The following NTMT1 variants were observed in gnomAD, a reference collection of about 807,000 sequenced individuals.
NTMT1 encodes the protein N-terminal RCC1 methyltransferase.
A neutral mutation model predicts 17.5 loss-of-function variants in NTMT1; 8 were observed. That is an observed-to-expected ratio of 0.46 (90% CI 0.27 to 0.82). The LOEUF is 0.82. Among genes scored for constraint, NTMT1 ranks in the 40% least tolerant of loss-of-function variants. NTMT1 has a pLI of 0.15. For missense variants in NTMT1, 221 were observed against 303.5 expected, an observed-to-expected ratio of 0.73 and a Z score of 2.02; for synonymous variants, 128 against 126.8, an observed-to-expected ratio of 1.01 and a Z score of -0.06.
At position 129,632,818 on chromosome 9, in the gene NTMT1, A is replaced by G; in HGVS notation, c.115A>G (p.Ser39Gly). 2.5e-6 allele frequency: 4 copies of G among 1,614,218 alleles called. No individual in the cohort carries two copies. Among genetic ancestry groups the G allele is most frequent in the Non-Finnish European group, 3.4e-6 (4 of 1,180,038 alleles). The change falls in exon 2 of 4, where the codon AGC (serine) becomes GGC (glycine). Residue 39 changes from serine to glycine, a missense_variant. Physicochemically the swap from Ser to Gly is moderately conservative, Grantham distance 56. Coordinates refer to ENST00000372483, the MANE Select transcript of NTMT1 (RefSeq NM_014064.4). ...GMLGGYGHIS[S>G]IDINSSRKFL... ...GCTTGGGGGGTATGGCCACATCTCC[A>G]GCATCGACATCAACAGCTCCCGGAA... is the stretch of plus-strand genomic sequence containing the variant.
In NTMT1 at chr9:129,613,030, A is replaced by T; in HGVS notation, c.-55+3852A>T. ...ACTCCCAGCCCCAGCCACTCCACCAAACAGGGCTGCTCCCGGAGCCAGCTG... is the reference window on the plus strand; with the variant it reads ...ACTCCCAGCCCCAGCCACTCCACCATACAGGGCTGCTCCCGGAGCCAGCTG... On this transcript the variant is annotated intron_variant, in intron 1 of 3. Transcript: ENST00000372486. This position sits in a 1 kb window ranked among gnomAD's most constrained non-coding sequence, Gnocchi z 6.2. 1 of 1,583,252 alleles carries T rather than the reference A, an allele frequency of 6.3e-7. No homozygotes were observed. Among genetic ancestry groups the T allele is most frequent in the Non-Finnish European group, 8.6e-7 (1 of 1,165,778 alleles).
chr9:129,627,152 G>T (rs2118923333), intron 1 of NTMT1, among the ~76,000 whole-genome samples: 1 of 152,344 alleles, frequency 6.6e-6, no homozygotes, highest in Non-Finnish European at 1.5e-5. Context: ...GTAAACTGAG[G>T]ACTGTGCGGG....
intron 1 of NTMT1, chr9:129,615,539 G>A (rs572849184): frequency 9.9e-6 from 16 of 1,610,882 alleles, no homozygotes; most frequent in Admixed American, 8.4e-5. Context: ...TCTCGTCAGC[G>A]AATCGCACCC....
Position 129,614,910 on chromosome 9 carries a change from AAAAAG to A in NTMT1, c.-55+5737_-55+5741del, listed in dbSNP as rs1830278738. On this transcript the variant is annotated intron_variant, in intron 1 of 3. Transcript: ENST00000372486. This position sits in a 1 kb window ranked among gnomAD's most constrained non-coding sequence, Gnocchi z 4.4. ...GAGTGAGACTCCGTATCAGAAAAAA[AAAAAG>A]AAAAAGAAAACTCACTGGGAACTGC... 6.6e-6 allele frequency among the ~76,000 whole-genome samples: 1 copy of A among 152,094 alleles called. No homozygotes were observed. Among genetic ancestry groups the A allele is most frequent in the African/African-American group, 2.4e-5 (1 of 41,410 alleles).
rs1258828728 is a variant in NTMT1, at chr9:129,614,078, G to A, written c.-55+4900G>A. 6.6e-6 allele frequency among the ~76,000 whole-genome samples: 1 copy of A among 152,186 alleles called. No homozygotes were observed. The highest frequency in any genetic ancestry group is 2.4e-5 in the African/African-American group (1 of 41,444). On this transcript the variant is annotated intron_variant, in intron 1 of 3. Transcript: ENST00000372486. This position sits in a 1 kb window ranked among gnomAD's most constrained non-coding sequence, Gnocchi z 4.4. ...GTCTCCTGGGCACCCTGCTGCCCGG[G>A]ACACCATGATAGCTCCTTATGGCCA...
chr9:129,632,688 CGTGGTTG>C lies in NTMT1; in HGVS notation c.-12_-6del. ...GCTGATCGTGGTGCTTGAGTAGAGC[CGTGGTTG>C]GTGACAGCATGACGAGCGAGGTGAT... On this transcript the variant is annotated 5_prime_UTR_variant, in exon 2 of 4. Coordinates refer to ENST00000372483, the MANE Select transcript of NTMT1 (RefSeq NM_014064.4). The C allele has an allele frequency of 1.2e-6, 2 of 1,613,604 alleles. No individual in the cohort carries two copies. The highest frequency in any genetic ancestry group is 1.7e-6 in the Non-Finnish European group (2 of 1,179,658).
chr9:129,625,360 G>A (rs1000259437), upstream of NTMT1, among the ~76,000 whole-genome samples: 1 of 152,186 alleles, frequency 6.6e-6, no homozygotes, highest in Non-Finnish European at 1.5e-5. Flanking sequence ...ATTATTTTAA[G>A]ATGCTAATGG....
chr9:129,629,044 A>G (rs1831020449), intron 1 of NTMT1, among the ~76,000 whole-genome samples: 1 of 152,064 alleles, frequency 6.6e-6, no homozygotes, highest in South Asian at 2.1e-4. Flanking sequence ...GTTTTTTGAG[A>G]CAGGGTCTCG....
Position 129,613,168 on chromosome 9 carries a change from G to A in NTMT1, c.-55+3990G>A. 6.2e-7 allele frequency: 1 copy of A among 1,613,800 alleles called. No individual in the cohort carries two copies. Among genetic ancestry groups the A allele is most frequent in the Non-Finnish European group, 8.5e-7 (1 of 1,180,012 alleles). Reference sequence around the variant, plus strand: ...GAGGCTGCTTCGCGGCCTCTGAGCAGCGGCCTTCTTCCATGAACAGAAGGG... The same window carrying A: ...GAGGCTGCTTCGCGGCCTCTGAGCAACGGCCTTCTTCCATGAACAGAAGGG... On this transcript the variant is annotated intron_variant, in intron 1 of 3. Coordinates refer to the NTMT1 transcript ENST00000372486. This position sits in a 1 kb window ranked among gnomAD's most constrained non-coding sequence, Gnocchi z 6.2.
Position 129,613,372 on chromosome 9 carries a change from G to T in NTMT1, c.-55+4194G>T. On this transcript the variant is annotated intron_variant, in intron 1 of 3. Coordinates refer to the NTMT1 transcript ENST00000372486. This position sits in a 1 kb window ranked among gnomAD's most constrained non-coding sequence, Gnocchi z 6.2. ...CTGCTGCTGGGTGGGGAGGTCTGTA[G>T]GCAAGGGGGGTGGAGGGCCCTGGCA... is the stretch of plus-strand genomic sequence containing the variant. The T allele has an allele frequency of 6.3e-7, 1 of 1,593,398 alleles. No individual in the cohort carries two copies. Among genetic ancestry groups the T allele is most frequent in the East Asian group, 2.2e-5 (1 of 44,592 alleles).
chr9:129,616,295 A>G (rs1308175735), intron 1 of NTMT1, among the ~76,000 whole-genome samples: 1 of 152,132 alleles, frequency 6.6e-6, no homozygotes, highest in East Asian at 1.9e-4. Flanking sequence ...GGCTCATTGC[A>G]AGCTCCGCCT....
chr9:129,610,223 AAAGGGGGAGGGAGAGGG>A (rs1830080098), intron 1 of NTMT1, among the ~76,000 whole-genome samples: 1 of 16,172 alleles, frequency 6.2e-5, no homozygotes, highest in Non-Finnish European at 9.8e-5. Flanking sequence ...GGGGGAGGGG[AAAGGGGGAGGGAGAGGG>A]GAAAGGGGGG....
upstream of NTMT1, among the ~76,000 whole-genome samples, chr9:129,623,996 G>A (rs7875269): frequency 0.97 from 147,701 of 151,744 alleles, 71,906 homozygotes; most frequent in Middle Eastern, 0.99. Flanking sequence ...GGGTTTCACC[G>A]TGTTAGCCAG....
intron 1 of NTMT1, chr9:129,609,314 C>T (rs968363855): frequency 1.3e-5 from 2 of 152,914 alleles, no homozygotes; most frequent in African/African-American, 4.8e-5. Flanking sequence ...TCTCCCAGCT[C>T]TGCCTTCTGC....
At position 129,620,641 on chromosome 9, in the gene NTMT1, G is replaced by A; in HGVS notation, c.-55+11463G>A. 8.0e-7 allele frequency: 1 copy of A among 1,256,634 alleles called. No homozygotes were observed. Among genetic ancestry groups the A allele is most frequent in the Non-Finnish European group, 1.0e-6 (1 of 996,960 alleles). 77.8% of individuals were successfully genotyped at this position (1,256,634 alleles called of 1,614,324 possible). A position where few individuals can be genotyped will look rare whatever the true frequency, so the allele number is the denominator to read the frequency against. ...GGGTGGGGGGCGCCGGCTGAGGTGG[G>A]GAGGGCATAGTCCAGCCCCAGGCCA... On this transcript the variant is annotated intron_variant, in intron 1 of 3. Coordinates refer to the NTMT1 transcript ENST00000372486. This position sits in a 1 kb window ranked among gnomAD's most constrained non-coding sequence, Gnocchi z 5.8.
chr9:129,634,232 A>G lies in NTMT1; in HGVS notation c.341A>G (p.Tyr114Cys). Residue 114 changes from tyrosine to cysteine, a missense_variant, in exon 3 of 4, where the codon TAC becomes TGC. Transcript: ENST00000372483. ...GAGGAGGGCAAGAGGGTGAGGAACTACTTCTGTTGTGGGCTCCAGGACTTC... is the reference window on the plus strand; with the variant it reads ...GAGGAGGGCAAGAGGGTGAGGAACTGCTTCTGTTGTGGGCTCCAGGACTTC... ...LGEEGKRVRN[Y>C]FCCGLQDFTP... 2 of 1,614,008 alleles carry G rather than the reference A, an allele frequency of 1.2e-6. No individual in the cohort carries two copies. The highest frequency in any genetic ancestry group is 1.7e-6 in the Non-Finnish European group (2 of 1,179,992).
At chr9:129,610,229 G>T (rs1830080630) in intron 1 of NTMT1, among the ~76,000 whole-genome samples, 1 of 49,304 alleles carries the variant, frequency 2.0e-5, no homozygotes, top group Non-Finnish European at 3.5e-5. Context: ...GGGGAAAGGG[G>T]GAGGGAGAGG....
intron 1 of NTMT1, among the ~76,000 whole-genome samples, chr9:129,628,894 C>T (rs1210097401): frequency 6.6e-6 from 1 of 152,216 alleles, no homozygotes; most frequent in Non-Finnish European, 1.5e-5. Flanking sequence ...TTCAGTTTGC[C>T]AAGTTGGGCG....
chr9:129,623,679 A>G (rs4240436), upstream of NTMT1, among the ~76,000 whole-genome samples: 148,177 of 152,238 alleles, frequency 0.97, 72,137 homozygotes, highest in Middle Eastern at 0.99. Flanking sequence ...AATGCTTCTC[A>G]CCAGGGATGG....
Sources: gnomAD v4.1 joint callset for allele counts (sites outside exome capture counted in the v4.1 genomes callset) on GRCh38, gnomAD v4.1.1 for gene constraint, Gnocchi (gnomAD v3.1) non-coding constraint, MANE v1.5 for transcripts, NCBI Gene and HGNC (gene_info 2026-07-23, HGNC 2026-07-21) for gene names.